KCNMA1: variants seen among roughly 807,000 people sequenced by gnomAD.
The protein encoded by KCNMA1 is Calcium-activated potassium channel subunit alpha-1.
A neutral mutation model predicts 140.0 loss-of-function variants in KCNMA1; 29 were observed. The observed-to-expected ratio is 0.21, with a 90% CI of 0.15 to 0.28. The LOEUF (loss-of-function observed/expected upper bound fraction) is 0.28, where lower values mean the gene tolerates loss of function less well. Among genes scored for constraint, KCNMA1 ranks in the 10% least tolerant of loss-of-function variants. The pLI is 1.00. For synonymous variants in KCNMA1, 612 were observed against 611.9 expected (o/e 1.00, Z 0.00); for missense variants, 880 against 1,602.2 (o/e 0.55, Z 7.70).
chr10:77,460,630 G>A lies in KCNMA1; in HGVS notation c.379-56607C>T, dbSNP rs562562033. ...CTTTTGCAGCAACACAGAGGGAACTGGAGGCCGTTATCCTAAGTGAACTAA... is the reference window on the plus strand; with the variant it reads ...CTTTTGCAGCAACACAGAGGGAACTAGAGGCCGTTATCCTAAGTGAACTAA... On this transcript the variant is annotated intron_variant, in intron 1 of 27. Transcript: ENST00000286628. Among the ~76,000 whole-genome samples, 5 of 152,220 alleles carry A rather than the reference G, an allele frequency of 3.3e-5. No individual in the cohort carries two copies. The East Asian group carries it at 9.6e-4, about 29-fold the overall frequency.
At position 76,887,435 on chromosome 10, in the gene KCNMA1, T is replaced by C. The variant is rs770241553; in HGVS notation, c.3542A>G (p.Asn1181Ser). ...CAGGCTGGCCCGGGACTGGCCGGCA[T>C]TGTGGTCAAACTGCATTAAGCAGAA... ...LIFCLMQFDHNAGQSRASLSH... is the reference protein window; with the variant it reads ...LIFCLMQFDHSAGQSRASLSH... Residue 1181 changes from asparagine to serine, a missense_variant, in exon 28 of 28, where the codon AAT (asparagine) becomes AGT (serine). Physicochemically the swap from Asn to Ser is conservative, Grantham distance 46 (BLOSUM62 1). This residue lies in a region of KCNMA1 where 115 missense variants were observed against 139.9 expected (regional missense o/e 0.82). Coordinates refer to ENST00000286628, the MANE Select transcript of KCNMA1 (RefSeq NM_001161352.2). The C allele has an allele frequency of 1.9e-6, 3 of 1,614,032 alleles. No individual in the cohort carries two copies. The South Asian group carries it at 3.3e-5, about 18-fold the overall frequency.
chr10:77,007,673 A>ATATATATATATG (rs201799760), intron 18 of KCNMA1, among the ~76,000 whole-genome samples: 5 of 142,486 alleles, frequency 3.5e-5, no homozygotes, highest in African/African-American at 1.3e-4. Context: ...ATATATATAT[A>ATATATATATATG]TATGTATCAC....
At chr10:76,932,080 G>T (rs946375897) in intron 23 of KCNMA1, among the ~76,000 whole-genome samples, 1 of 152,162 alleles carries the variant, frequency 6.6e-6, no homozygotes. Context: ...TTCATTCAGG[G>T]TTGCCATGTA....
At chr10:77,492,875 A>G (rs1259587671) in intron 1 of KCNMA1, among the ~76,000 whole-genome samples, 1 of 152,238 alleles carries the variant, frequency 6.6e-6, no homozygotes, top group Non-Finnish European at 1.5e-5. Flanking sequence ...TGTGTTATGC[A>G]ATGTACTAAA....
chr10:77,218,454 C>T (rs2048501927), intron 3 of KCNMA1, among the ~76,000 whole-genome samples: 1 of 152,132 alleles, frequency 6.6e-6, no homozygotes, highest in African/African-American at 2.4e-5. Flanking sequence ...TGGGTAGATG[C>T]TCCTGAAGAC....
At chr10:77,206,114 C>G (rs763050084) in intron 3 of KCNMA1, among the ~76,000 whole-genome samples, 10 of 152,046 alleles carry the variant, frequency 6.6e-5, no homozygotes, top group Non-Finnish European at 1.3e-4. Context: ...CCCCATAAGG[C>G]GAGAGAACAT....
At position 77,314,923 on chromosome 10, in the gene KCNMA1, A is replaced by AACACACACAC. The variant is rs3998084; in HGVS notation, c.541-63677_541-63668dup. ...GTTCAGAAGACACCACCACACCCCC[A>AACACACACAC]ACACACACACACACACACACACACA... is the stretch of plus-strand genomic sequence containing the variant. On this transcript the variant is annotated intron_variant, in intron 2 of 27. Transcript: ENST00000286628. 2.0e-3 allele frequency among the ~76,000 whole-genome samples: 294 copies of AACACACACAC among 146,346 alleles called. 3 individuals carry two copies. The highest frequency in any genetic ancestry group is 7.3e-3 in the Admixed American group (107 of 14,606).
chr10:77,010,622 A>T (rs2090478166), intron 18 of KCNMA1, among the ~76,000 whole-genome samples: 1 of 151,690 alleles, frequency 6.6e-6, no homozygotes, highest in Non-Finnish European at 1.5e-5. Context: ...TTCTGCAGAA[A>T]CTTCTCTAGA....
chr10:76,875,660 G>C (rs2032246191), downstream of KCNMA1: 2 of 152,192 alleles, frequency 1.3e-5, no homozygotes, highest in Non-Finnish European at 2.9e-5. Flanking sequence ...TTACGAGCAG[G>C]AGTGAAGAGC....
Position 77,110,217 on chromosome 10 carries a change from T to C in KCNMA1, c.1087A>G (p.Thr363Ala), listed in dbSNP as rs1596160025. The C allele has an allele frequency of 6.2e-7, 1 of 1,614,100 alleles. No individual in the cohort carries two copies. The highest frequency in any genetic ancestry group is 2.2e-5 in the East Asian group (1 of 44,874). Residue 363 changes from threonine to alanine, a missense_variant, in exon 8 of 28, where the codon ACA becomes GCA. Thr to Ala is a moderately conservative substitution (Grantham distance 58). Coordinates refer to ENST00000286628, the MANE Select transcript of KCNMA1 (RefSeq NM_001161352.2). ...VGYGDVYAKT[T>A]LGRLFMVFFI... ...AAGACCATGAAGAGGCGCCCAAGTG[T>C]GGTTTTTGCATAAACATCCCCATAA...
chr10:77,126,725 A>AC (rs67566528), intron 5 of KCNMA1, among the ~76,000 whole-genome samples: 17 of 123,796 alleles, frequency 1.4e-4, no homozygotes, highest in South Asian at 1.1e-3. Flanking sequence ...CCACCCCCCC[A>AC]CCCCCCCCCC....
At chr10:77,197,946 G>A (rs1291971644) in intron 3 of KCNMA1, among the ~76,000 whole-genome samples, 1 of 152,176 alleles carries the variant, frequency 6.6e-6, no homozygotes. Flanking sequence ...GCGAGAAGAG[G>A]CAGCTTTGGG....
chr10:76,969,468 C>A (rs1046743706), intron 20 of KCNMA1, among the ~76,000 whole-genome samples: 2 of 152,180 alleles, frequency 1.3e-5, no homozygotes, highest in Admixed American at 6.5e-5. Flanking sequence ...CAGTCAAAAT[C>A]AATTAACAGA....
intron 1 of KCNMA1, among the ~76,000 whole-genome samples, chr10:77,549,138 C>G (rs1189911704): frequency 6.6e-6 from 1 of 152,164 alleles, no homozygotes; most frequent in Non-Finnish European, 1.5e-5. Flanking sequence ...CTCACCATCA[C>G]AGAGAGTCCT....
intron 1 of KCNMA1, among the ~76,000 whole-genome samples, chr10:77,583,738 T>C (rs1002319854): frequency 6.6e-6 from 1 of 152,108 alleles, no homozygotes; most frequent in Non-Finnish European, 1.5e-5. Context: ...TCTTAGTGGT[T>C]TGGGGCTTCA....
At chr10:77,388,640 C>T (rs1335369790) in intron 2 of KCNMA1, among the ~76,000 whole-genome samples, 1 of 152,082 alleles carries the variant, frequency 6.6e-6, no homozygotes, top group African/African-American at 2.4e-5. Context: ...TAAAATATAC[C>T]ACCTATGGCA....
At chr10:77,247,813 TA>T (rs963201970) in intron 3 of KCNMA1, among the ~76,000 whole-genome samples, 1 of 152,092 alleles carries the variant, frequency 6.6e-6, no homozygotes, top group African/African-American at 2.4e-5. Flanking sequence ...TGGGTGTTTC[TA>T]GAGAGTCTAC....
intron 14 of KCNMA1, among the ~76,000 whole-genome samples, chr10:77,053,339 T>C (rs1308112754): frequency 6.6e-6 from 1 of 152,200 alleles, no homozygotes; most frequent in Non-Finnish European, 1.5e-5. Context: ...TGGGAAAGAA[T>C]AGTCAGCAAA....
rs190164689 is a variant in KCNMA1, at chr10:77,078,974, G to C, written c.1593+507C>G. On this transcript the variant is annotated intron_variant, in intron 13 of 27. Transcript: ENST00000286628. Reference sequence around the variant, plus strand: ...TGACCAAATGCAAACACGTTGTTTGGACTAAAGAAATGGGCCAGAGGCGTG... The same window carrying C: ...TGACCAAATGCAAACACGTTGTTTGCACTAAAGAAATGGGCCAGAGGCGTG... Among the ~76,000 whole-genome samples, 7 of 152,236 alleles carry C rather than the reference G, an allele frequency of 4.6e-5. 1 individual carries two copies. The highest frequency in any genetic ancestry group is 4.6e-4 in the Admixed American group (7 of 15,290).
Sources: allele counts gnomAD v4.1 joint callset (sites outside exome capture counted in the v4.1 genomes callset), GRCh38; gene constraint gnomAD v4.1.1; regional missense constraint gnomAD v4.1.1; transcripts MANE v1.5; gene names NCBI Gene and HGNC (gene_info 2026-07-23, HGNC 2026-07-21).